RALYL: variants seen among roughly 807,000 people sequenced by gnomAD.
RALYL encodes the protein RNA-binding Raly-like protein.
In RALYL, 29 loss-of-function variants were observed where a neutral mutation model predicts 35.1. That is an observed-to-expected ratio of 0.83 (90% CI 0.61 to 1.13). RALYL has a LOEUF of 1.13. Ranked by LOEUF, RALYL falls within the 50% of genes most tolerant of loss-of-function variation. RALYL has a pLI of 0.00. For synonymous variants in RALYL, 120 were observed against 127.6 expected (o/e 0.94, Z 0.40); for missense variants, 359 against 360.4 (o/e 1.00, Z 0.03).
chr8:84,614,453 C>T (rs1189191046), intron 2 of RALYL, among the ~76,000 whole-genome samples: 1 of 151,668 alleles, frequency 6.6e-6, no homozygotes, highest in Non-Finnish European at 1.5e-5. Context: ...GGTCACTAAA[C>T]TTTAGATTAC....
chr8:84,508,866 A>G (rs1278236682), intron 1 of RALYL, among the ~76,000 whole-genome samples: 1 of 151,920 alleles, frequency 6.6e-6, no homozygotes, highest in African/African-American at 2.4e-5. Flanking sequence ...ATCTTTTCAA[A>G]AAGTCGTGTA....
At chr8:84,538,870 C>T (rs942778305) in intron 2 of RALYL, among the ~76,000 whole-genome samples, 8 of 152,126 alleles carry the variant, frequency 5.3e-5, no homozygotes, top group South Asian at 4.2e-4. Flanking sequence ...CAAGTGCTAC[C>T]GGAATTTTAA....
chr8:84,366,808 T>G (rs1393226954), intron 1 of RALYL, among the ~76,000 whole-genome samples: 2 of 147,192 alleles, frequency 1.4e-5, no homozygotes, highest in Non-Finnish European at 3.0e-5. Context: ...CCTGGGAGTT[T>G]GTCAGTCTGC....
chr8:84,766,720 CAAAAAAAAAA>C (rs751821694), intron 2 of RALYL, among the ~76,000 whole-genome samples: 13 of 18,024 alleles, frequency 7.2e-4, no homozygotes, highest in African/African-American at 2.5e-3. Context: ...GAGACTGTCT[CAAAAAAAAAA>C]AAAAAAAAAA....
At chr8:84,717,530 C>A (rs1207478756) in intron 2 of RALYL, among the ~76,000 whole-genome samples, 1 of 152,108 alleles carries the variant, frequency 6.6e-6, no homozygotes, top group Non-Finnish European at 1.5e-5. Context: ...GCCTGGAATT[C>A]TCAGTAAGTT....
At chr8:84,792,126 T>G (rs996223292) in intron 3 of RALYL, among the ~76,000 whole-genome samples, 11 of 152,238 alleles carry the variant, frequency 7.2e-5, no homozygotes, top group Admixed American at 5.9e-4. Flanking sequence ...CCTTTAGCCT[T>G]GCCATCTGAA....
intron 4 of RALYL, among the ~76,000 whole-genome samples, chr8:84,812,855 G>C (rs1826236920): frequency 6.6e-6 from 1 of 152,164 alleles, no homozygotes; most frequent in Admixed American, 6.5e-5. Context: ...AGCTGCGAAA[G>C]AAAAAGGTTT....
intron 1 of RALYL, among the ~76,000 whole-genome samples, chr8:84,448,096 G>T (rs2049043994): frequency 6.6e-6 from 1 of 151,932 alleles, no homozygotes; most frequent in Admixed American, 6.6e-5. Flanking sequence ...GAGTGACCAG[G>T]GAATAATGTC....
intron 8 of RALYL, among the ~76,000 whole-genome samples, chr8:84,890,436 T>A (rs1355289228): frequency 6.6e-6 from 1 of 152,158 alleles, no homozygotes; most frequent in Non-Finnish European, 1.5e-5. Context: ...CACTAAAGAT[T>A]ACTAATTTAA....
chr8:84,575,799 G>T (rs1809251404), intron 2 of RALYL, among the ~76,000 whole-genome samples: 2 of 151,976 alleles, frequency 1.3e-5, no homozygotes, highest in South Asian at 4.1e-4. Context: ...GTGATTGAAG[G>T]CAGTTCTAGC....
At chr8:84,621,065 GAGGTGGAGCCTAC>G (rs1343860127) in intron 2 of RALYL, among the ~76,000 whole-genome samples, 1 of 152,232 alleles carries the variant, frequency 6.6e-6, no homozygotes, top group African/African-American at 2.4e-5. Flanking sequence ...CCTGCCCCCA[GAGGTGGAGCCTAC>G]AGAGGCAGGC....
At chr8:84,597,983 A>T (rs1814990937) in intron 2 of RALYL, among the ~76,000 whole-genome samples, 1 of 152,092 alleles carries the variant, frequency 6.6e-6, no homozygotes, top group Non-Finnish European at 1.5e-5. Context: ...ATATTCTGTC[A>T]CCTGCAGGAG....
intron 1 of RALYL, among the ~76,000 whole-genome samples, chr8:84,196,233 C>A (rs752318234): frequency 1.3e-5 from 2 of 151,964 alleles, no homozygotes; most frequent in Non-Finnish European, 2.9e-5. Context: ...CTGTTCTAGT[C>A]CTCCCACTGG....
intron 2 of RALYL, among the ~76,000 whole-genome samples, chr8:84,544,621 G>A (rs1035975160): frequency 1.3e-5 from 2 of 151,978 alleles, no homozygotes; most frequent in Admixed American, 1.3e-4. Flanking sequence ...ATAACCTGAT[G>A]AGTATGCTCT....
At chr8:84,881,092 G>T (rs1219333762) in intron 7 of RALYL, among the ~76,000 whole-genome samples, 1 of 151,748 alleles carries the variant, frequency 6.6e-6, no homozygotes, top group Non-Finnish European at 1.5e-5. Flanking sequence ...ACAATCTAGG[G>T]TATTTCATGT....
intron 1 of RALYL, among the ~76,000 whole-genome samples, chr8:84,343,417 A>G (rs1849234530): frequency 1.3e-5 from 2 of 152,208 alleles, no homozygotes; most frequent in South Asian, 2.1e-4. Flanking sequence ...AGCTCAGCAA[A>G]GAATCATCCA....
intron 1 of RALYL, among the ~76,000 whole-genome samples, chr8:84,426,789 C>G (rs1399559332): frequency 6.6e-6 from 1 of 152,078 alleles, no homozygotes; most frequent in Non-Finnish European, 1.5e-5. Context: ...TGGCTATTAT[C>G]TATAAGTCAA....
At chr8:84,522,661 T>C (rs1057069396) in intron 1 of RALYL, among the ~76,000 whole-genome samples, 3 of 152,202 alleles carry the variant, frequency 2.0e-5, no homozygotes, top group African/African-American at 7.2e-5. Flanking sequence ...AAGTGACAAC[T>C]TTAGTTTGTA....
chr8:84,325,208 A>C (rs1179251912), intron 1 of RALYL, among the ~76,000 whole-genome samples: 1 of 152,168 alleles, frequency 6.6e-6, no homozygotes, highest in Non-Finnish European at 1.5e-5. Context: ...TACTGTATTC[A>C]AAATTTCATT....
Sources: allele counts gnomAD v4.1 joint callset (sites outside exome capture counted in the v4.1 genomes callset), GRCh38; gene constraint gnomAD v4.1.1; transcripts MANE v1.5; gene names NCBI Gene and HGNC (gene_info 2026-07-23, HGNC 2026-07-21).